The following MEGF10 variants were observed in gnomAD, a reference collection of about 807,000 sequenced individuals.
The protein encoded by MEGF10 is multiple EGF like domains 10.
MEGF10 carries 86 observed loss-of-function variants against 147.5 expected under a neutral mutation model. That is an observed-to-expected ratio of 0.58 (90% CI 0.49 to 0.70). The LOEUF is 0.70. Ranked by LOEUF, MEGF10 falls within the 30% of genes least tolerant of loss-of-function variation. The pLI, the probability that MEGF10 is intolerant of heterozygous loss-of-function variation, is 0.00. For synonymous variants in MEGF10, 478 were observed against 525.5 expected (o/e 0.91, Z 1.24); for missense variants, 1,329 against 1,487.3 (o/e 0.89, Z 1.75).
At chr5:127,340,671 C>G in intron 4 of MEGF10, 41 bp downstream of exon 4, 1 of 1,549,464 alleles carries the variant, frequency 6.5e-7, no homozygotes, top group Non-Finnish European at 8.9e-7. Flanking sequence ...GCTAGTTTTT[C>G]CCAGTGCTGG....
chr5:127,294,835 T>TAATAATAATAATAATAAAA lies in MEGF10; in HGVS notation c.-19+3781_-19+3782insTAATAATAATAATAAAAAA, dbSNP rs56033520. Among the ~76,000 whole-genome samples, 6 of 143,138 alleles carry TAATAATAATAATAATAAAA rather than the reference T, an allele frequency of 4.2e-5. No individual in the cohort carries two copies. In the South Asian group the frequency reaches 6.6e-4, roughly 16 times the overall value. 93.9% of individuals were successfully genotyped at this position (143,138 alleles called of 152,430 possible). A position where few individuals can be genotyped will look rare whatever the true frequency, so the allele number is the denominator to read the frequency against. ...ATAATAATAATAATAATAATAATAA[T>TAATAATAATAATAATAAAA]AAATAACTTGGAGTAGAAAAAGGAC... is the stretch of plus-strand genomic sequence containing the variant. On this transcript the variant is annotated intron_variant, in intron 1 of 24. Transcript: ENST00000503335.
chr5:127,306,314 C>A (rs971210857), intron 1 of MEGF10, among the ~76,000 whole-genome samples: 3 of 152,074 alleles, frequency 2.0e-5, no homozygotes, highest in African/African-American at 4.8e-5. Flanking sequence ...GGATGGCAAC[C>A]AAGTCCTGAC....
At chr5:127,398,477 C>T (rs976639761) in intron 6 of MEGF10, among the ~76,000 whole-genome samples, 199 bp from the exon 7 acceptor site, 2 of 152,050 alleles carry the variant, frequency 1.3e-5, no homozygotes, top group Non-Finnish European at 2.9e-5. Flanking sequence ...TAGAAAGTAC[C>T]CCAAAACAAA....
the MEGF10 span, among the ~76,000 whole-genome samples, chr5:127,278,798 T>C: frequency 6.6e-6 from 1 of 152,282 alleles, no homozygotes; most frequent in African/African-American, 2.4e-5. Flanking sequence ...AGCAAGGTCT[T>C]CAACTGACAG....
chr5:127,417,501 G>A, intron 9 of MEGF10, 137 bp from the exon 10 acceptor site: 1 of 831,814 alleles, frequency 1.2e-6, no homozygotes, highest in East Asian at 2.5e-5. Context: ...ATCATACCAA[G>A]CCTGGGAATG....
chr5:127,256,504 T>C, the MEGF10 span, among the ~76,000 whole-genome samples: 2 of 152,156 alleles, frequency 1.3e-5, no homozygotes, highest in Admixed American at 6.6e-5. Flanking sequence ...TTAGTAATTT[T>C]CCTTCGACTG....
At chr5:127,288,574 A>G (rs2127019643), upstream of MEGF10, among the ~76,000 whole-genome samples, 1 of 152,324 alleles carries the variant, frequency 6.6e-6, no homozygotes, top group South Asian at 2.1e-4. Context: ...AATGGCAAAA[A>G]TAAGAAGACA....
chr5:127,247,386 G>T, the MEGF10 span, among the ~76,000 whole-genome samples: 3 of 23,678 alleles, frequency 1.3e-4, 1 homozygote, highest in African/African-American at 3.7e-4. Context: ...AGAAGAAGAA[G>T]AAGAAGAAGA....
At chr5:127,270,907 T>C in the MEGF10 span, among the ~76,000 whole-genome samples, 1 of 152,266 alleles carries the variant, frequency 6.6e-6, no homozygotes, top group African/African-American at 2.4e-5. Flanking sequence ...ATCGCATTTC[T>C]TTTCATGGCT....
the MEGF10 span, among the ~76,000 whole-genome samples, chr5:127,247,368 GAAGAAGAAGAAGAAGAAGAAGAA>G: frequency 3.8e-4 from 2 of 5,264 alleles, no homozygotes; most frequent in Admixed American, 4.0e-3. Context: ...AGAAGAAGAA[GAAGAAGAAGAAGAAGAAGAAGAA>G]GAAGAAGAAG....
At chr5:127,236,773 T>C in the MEGF10 span, among the ~76,000 whole-genome samples, 1 of 152,250 alleles carries the variant, frequency 6.6e-6, no homozygotes, top group Non-Finnish European at 1.5e-5. Context: ...TGCTTCTTTA[T>C]ACTTGCTCTG....
rs982649419 is a variant in MEGF10 at position 127,459,376 on chromosome 5, A to C, written c.*2058A>C. 1.3e-5 allele frequency: 2 copies of C among 152,186 alleles called. No individual in the cohort carries two copies. Among genetic ancestry groups the C allele is most frequent in the Non-Finnish European group, 2.9e-5 (2 of 68,036 alleles). The allele number at this position is 152,186 out of a possible 1,614,324, so 9.4% of individuals were successfully genotyped here. ...GCCTTAGAAACAATTGATTTATTCC[A>C]ATAGTTAACCACTGGCTGGCTCCCA... On this transcript the variant is annotated 3_prime_UTR_variant, in exon 25 of 25. Coordinates refer to ENST00000503335, the MANE Select transcript of MEGF10 (RefSeq NM_001256545.2).
At chr5:127,271,338 G>T in the MEGF10 span, among the ~76,000 whole-genome samples, 1 of 151,830 alleles carries the variant, frequency 6.6e-6, no homozygotes, top group Non-Finnish European at 1.5e-5. Flanking sequence ...AAATATGTTT[G>T]TTGGCCACAT....
At chr5:127,255,727 G>C in the MEGF10 span, among the ~76,000 whole-genome samples, 1 of 152,128 alleles carries the variant, frequency 6.6e-6, no homozygotes, top group African/African-American at 2.4e-5. Context: ...TGAAAATATG[G>C]ATTTTGAATC....
intron 1 of MEGF10, among the ~76,000 whole-genome samples, chr5:127,307,115 C>G (rs1333515071): frequency 6.6e-6 from 1 of 152,114 alleles, no homozygotes; most frequent in Non-Finnish European, 1.5e-5. Flanking sequence ...GCACGCTTCT[C>G]CCCTAGAGTT....
chr5:127,284,767 T>C, the MEGF10 span, among the ~76,000 whole-genome samples: 1 of 152,192 alleles, frequency 6.6e-6, no homozygotes, highest in African/African-American at 2.4e-5. Context: ...GGGAAGAAGG[T>C]AAACTCTGTG....
chr5:127,266,480 C>G, the MEGF10 span, among the ~76,000 whole-genome samples: 2 of 151,992 alleles, frequency 1.3e-5, no homozygotes, highest in Non-Finnish European at 2.9e-5. Flanking sequence ...AGCTTGATGG[C>G]GATGGCGTTG....
chr5:127,258,405 A>G, the MEGF10 span, among the ~76,000 whole-genome samples: 1 of 152,228 alleles, frequency 6.6e-6, no homozygotes, highest in South Asian at 2.1e-4. Flanking sequence ...AGTTATAAGT[A>G]CTTTCATGTT....
the MEGF10 span, among the ~76,000 whole-genome samples, chr5:127,238,029 C>CTATA: frequency 0.014 from 1,946 of 138,830 alleles, 23 homozygotes; most frequent in Middle Eastern, 0.044. Flanking sequence ...AAACTTCAGA[C>CTATA]TATATATATA....
Sources: allele counts gnomAD v4.1 joint callset (sites outside exome capture counted in the v4.1 genomes callset), GRCh38; gene constraint gnomAD v4.1.1; transcripts MANE v1.5; gene names NCBI Gene and HGNC (gene_info 2026-07-23, HGNC 2026-07-21).